Variants in ROBO1 observed in about 807,000 individuals in gnomAD.
The protein encoded by ROBO1 is roundabout homolog 1.
Under a neutral mutation model 195.9 loss-of-function variants are expected in ROBO1, and 149 were observed. The observed-to-expected ratio is 0.76, with a 90% confidence interval of 0.67 to 0.87. The LOEUF (loss-of-function observed/expected upper bound fraction) is 0.87, where lower values mean the gene tolerates loss of function less well. Among genes scored for constraint, ROBO1 ranks in the 40% least tolerant of loss-of-function variants. The pLI is 0.00. For synonymous variants in ROBO1, 816 were observed against 733.2 expected (o/e 1.11, Z -1.82); for missense variants, 1,933 against 2,068.3 (o/e 0.93, Z 1.27).
chr3:79,097,359 C>G (rs1264244137), intron 3 of ROBO1, among the ~76,000 whole-genome samples: 5 of 151,708 alleles, frequency 3.3e-5, no homozygotes, highest in African/African-American at 1.2e-4. Flanking sequence ...AACTGTTGTT[C>G]TGATTCAGAA....
At chr3:79,684,166 A>C (rs1947031811) in intron 1 of ROBO1, among the ~76,000 whole-genome samples, 1 of 152,142 alleles carries the variant, frequency 6.6e-6, no homozygotes, top group Non-Finnish European at 1.5e-5. Flanking sequence ...GCTGTATCTT[A>C]TTGTGGCTTT....
intron 5 of ROBO1, among the ~76,000 whole-genome samples, chr3:78,729,994 C>G (rs2108179447): frequency 6.6e-6 from 1 of 152,280 alleles, no homozygotes; most frequent in South Asian, 2.1e-4. Flanking sequence ...TCACCTCTTC[C>G]AACCATCTGG....
At chr3:78,982,632 T>G (rs556864570) in intron 3 of ROBO1, among the ~76,000 whole-genome samples, 4 of 152,194 alleles carry the variant, frequency 2.6e-5, no homozygotes, top group Non-Finnish European at 4.4e-5. Flanking sequence ...TTTTACTTTT[T>G]TCTTTTTTTT....
At chr3:78,690,668 A>G (rs1291445140) in intron 8 of ROBO1, among the ~76,000 whole-genome samples, 1 of 152,082 alleles carries the variant, frequency 6.6e-6, no homozygotes, top group Non-Finnish European at 1.5e-5. Context: ...ACTGGATAAT[A>G]CACTAAATTC....
At chr3:78,956,486 A>C (rs2041056282) in intron 3 of ROBO1, among the ~76,000 whole-genome samples, 1 of 152,182 alleles carries the variant, frequency 6.6e-6, no homozygotes, top group Non-Finnish European at 1.5e-5. Context: ...GTTTTGTTGA[A>C]ATATCTGTGT....
intron 3 of ROBO1, among the ~76,000 whole-genome samples, chr3:79,122,723 A>G (rs555752646): frequency 2.0e-5 from 3 of 152,140 alleles, no homozygotes; most frequent in African/African-American, 7.2e-5. Flanking sequence ...AGTGGAAATT[A>G]TACTGTTTTT....
chr3:78,849,954 AGTT>A (rs2033944806), intron 4 of ROBO1, among the ~76,000 whole-genome samples: 1 of 152,064 alleles, frequency 6.6e-6, no homozygotes, highest in Non-Finnish European at 1.5e-5. Context: ...ATTATAACGT[AGTT>A]TACTATACCT....
chr3:78,747,712 A>T (rs1335362635), intron 4 of ROBO1, among the ~76,000 whole-genome samples: 1 of 152,184 alleles, frequency 6.6e-6, no homozygotes, highest in Non-Finnish European at 1.5e-5. Context: ...TGTAATTTCA[A>T]CTGGATACTA....
intron 3 of ROBO1, among the ~76,000 whole-genome samples, chr3:78,955,248 T>C (rs1472464964): frequency 6.6e-6 from 1 of 150,654 alleles, no homozygotes; most frequent in Non-Finnish European, 1.5e-5. Flanking sequence ...CTGTGTGTCA[T>C]GGGGGTTATA....
chr3:79,098,498 G>A (rs1209409540), intron 3 of ROBO1, among the ~76,000 whole-genome samples: 1 of 151,770 alleles, frequency 6.6e-6, no homozygotes, highest in Non-Finnish European at 1.5e-5. Context: ...TCTCAGTGTA[G>A]ATTATTTACC....
intron 2 of ROBO1, among the ~76,000 whole-genome samples, chr3:79,437,411 A>G (rs1245011254): frequency 6.6e-6 from 1 of 152,050 alleles, no homozygotes; most frequent in African/African-American, 2.4e-5. Context: ...AAAGGTGTGC[A>G]TCTGTGTATC....
intron 2 of ROBO1, among the ~76,000 whole-genome samples, chr3:79,511,411 T>G (rs1157291255): frequency 6.6e-6 from 1 of 152,318 alleles, no homozygotes; most frequent in African/African-American, 2.4e-5. Context: ...ATTTCTCTAC[T>G]TACTTTCTAC....
At chr3:79,619,000 G>A (rs1033503029) in intron 1 of ROBO1, among the ~76,000 whole-genome samples, 3 of 152,168 alleles carry the variant, frequency 2.0e-5, no homozygotes, top group Admixed American at 6.5e-5. Flanking sequence ...ATCATCATGC[G>A]GACACCTGCC....
chr3:78,960,910 T>C (rs2041311001), intron 3 of ROBO1, among the ~76,000 whole-genome samples: 1 of 151,952 alleles, frequency 6.6e-6, no homozygotes, highest in Non-Finnish European at 1.5e-5. Flanking sequence ...CACAAACTTT[T>C]TACTTGGCAA....
chr3:78,643,745 T>C (rs1706110825), intron 21 of ROBO1, among the ~76,000 whole-genome samples: 1 of 152,120 alleles, frequency 6.6e-6, no homozygotes, highest in Admixed American at 6.6e-5. Flanking sequence ...TTTCAAAAGA[T>C]CGTTCTGTCT....
intron 4 of ROBO1, among the ~76,000 whole-genome samples, chr3:78,749,266 G>T (rs902853480): frequency 6.6e-6 from 1 of 151,858 alleles, no homozygotes; most frequent in East Asian, 1.9e-4. Context: ...AAACCAATTT[G>T]GTAATGCTAT....
At chr3:79,285,839 C>T (rs1299838350) in intron 2 of ROBO1, among the ~76,000 whole-genome samples, 1 of 151,882 alleles carries the variant, frequency 6.6e-6, no homozygotes, top group East Asian at 1.9e-4. Context: ...TTTTGTTATT[C>T]ATAATGGCTT....
chr3:78,620,468 T>C (rs1704386924), intron 26 of ROBO1, among the ~76,000 whole-genome samples: 1 of 152,012 alleles, frequency 6.6e-6, no homozygotes, highest in South Asian at 2.1e-4. Context: ...TCCAAGATCG[T>C]GCCACTGCAC....
At chr3:78,633,390 G>A (rs114849078) in intron 24 of ROBO1, among the ~76,000 whole-genome samples, 4,370 of 152,226 alleles carry the variant, frequency 0.029, 93 homozygotes, top group Non-Finnish European at 0.043. Flanking sequence ...ATGTGGCTTT[G>A]GGAGGCACTT....
Sources: allele counts gnomAD v4.1 joint callset (sites outside exome capture counted in the v4.1 genomes callset), GRCh38; gene constraint gnomAD v4.1.1; transcripts MANE v1.5; gene names NCBI Gene and HGNC (gene_info 2026-07-23, HGNC 2026-07-21).